MALT1: variants seen among roughly 807,000 people sequenced by gnomAD.
MALT1 encodes the protein MALT1 paracaspase, also known as mucosa-associated lymphoid tissue lymphoma translocation protein 1.
Under a neutral mutation model 85.5 loss-of-function variants are expected in MALT1, and 36 were observed. That is an observed-to-expected ratio of 0.42 (90% CI 0.32 to 0.56). The LOEUF (loss-of-function observed/expected upper bound fraction) is 0.56. MALT1 is among the 20% of genes least tolerant of loss of function. The pLI is 0.10. For synonymous variants in MALT1, 359 were observed against 361.3 expected, an observed-to-expected ratio of 0.99 and a Z score of 0.07; for missense variants, 716 against 981.6, an observed-to-expected ratio of 0.73 and a Z score of 3.62.
At position 58,671,652 on chromosome 18, in the gene MALT1, G is replaced by C; in HGVS notation, c.9G>C (p.Leu3=). 1 of 1,218,718 alleles carries C rather than the reference G, an allele frequency of 8.2e-7. No homozygotes were observed. The highest frequency in any genetic ancestry group is 1.0e-6 in the Non-Finnish European group (1 of 979,602). 75.5% of individuals were successfully genotyped at this position (1,218,718 alleles called of 1,614,324 possible). Residue 3 remains leucine, a synonymous_variant, in exon 1 of 17, where the codon CTG becomes CTC. Transcript: ENST00000649217. MS[L]LGDPLQALPP... Reference sequence around the variant, plus strand: ...GGTCGCCGGCGAGGGCCATGTCGCTGTTGGGGGACCCGCTACAGGCCCTGC... The same window carrying C: ...GGTCGCCGGCGAGGGCCATGTCGCTCTTGGGGGACCCGCTACAGGCCCTGC...
In MALT1 at chr18:58,747,890, G is replaced by C. The variant is rs371979150; in HGVS notation, c.*48G>C. Reference sequence around the variant, plus strand: ...CATAATTTTAGATGCCTGTGAAATAGTACTGCACTTACATAAAGTGAGACA... The same window carrying C: ...CATAATTTTAGATGCCTGTGAAATACTACTGCACTTACATAAAGTGAGACA... On this transcript the variant is annotated 3_prime_UTR_variant, in exon 17 of 17. Transcript: ENST00000649217. 2.1e-6 allele frequency: 3 copies of C among 1,453,904 alleles called. No homozygotes were observed. Among genetic ancestry groups the C allele is most frequent in the Non-Finnish European group, 2.9e-6 (3 of 1,050,952 alleles). 90.1% of individuals were successfully genotyped at this position (1,453,904 alleles called of 1,614,324 possible).
chr18:58,719,956 A>G (rs2054961258), intron 9 of MALT1, among the ~76,000 whole-genome samples: 1 of 152,240 alleles, frequency 6.6e-6, no homozygotes, highest in Non-Finnish European at 1.5e-5. Context: ...TATTAACTCT[A>G]TTTAGAAAAG....
intron 7 of MALT1, among the ~76,000 whole-genome samples, 190 bp from the exon 8 acceptor site, chr18:58,713,893 T>TA (rs914620840): frequency 8.5e-5 from 13 of 152,234 alleles, no homozygotes; most frequent in Non-Finnish European, 1.8e-4. Context: ...TCCTAAATGA[T>TA]AAGCACAGCA....
chr18:58,742,045 A>G (rs763428673), intron 14 of MALT1, 31 bp downstream of exon 14: 53 of 1,434,214 alleles, frequency 3.7e-5, no homozygotes, highest in Admixed American at 2.0e-5. Context: ...TGTTAGATCT[A>G]CAATATACTT....
chr18:58,676,460 TC>T (rs1419692523), intron 1 of MALT1, among the ~76,000 whole-genome samples: 1 of 152,186 alleles, frequency 6.6e-6, no homozygotes, highest in Non-Finnish European at 1.5e-5. Context: ...CTTGTCTCCA[TC>T]CCTCTCTACT....
At chr18:58,690,531 C>G in intron 2 of MALT1, 1 of 169,754 alleles carries the variant, frequency 5.9e-6, no homozygotes. Flanking sequence ...CCCATCCCCT[C>G]TGTGAGAGAG....
chr18:58,719,408 C>A, intron 9 of MALT1, among the ~76,000 whole-genome samples: 1 of 152,102 alleles, frequency 6.6e-6, no homozygotes. Context: ...CTCTTCCCGC[C>A]CCCAACTTCT....
intron 13 of MALT1, among the ~76,000 whole-genome samples, chr18:58,740,955 C>T (rs1321305482): frequency 6.6e-6 from 1 of 151,964 alleles, no homozygotes; most frequent in Non-Finnish European, 1.5e-5. Flanking sequence ...CTTATTGAAC[C>T]TTTATCATTA....
At chr18:58,745,604 T>C in intron 15 of MALT1, 62 bp from the exon 16 acceptor site, 2 of 1,444,346 alleles carry the variant, frequency 1.4e-6, no homozygotes, top group Non-Finnish European at 1.9e-6. Flanking sequence ...TCTTATGTAC[T>C]AGATTATATT....
chr18:58,728,262 G>C (rs1352840446), intron 10 of MALT1, among the ~76,000 whole-genome samples: 1 of 152,096 alleles, frequency 6.6e-6, no homozygotes, highest in Non-Finnish European at 1.5e-5. Flanking sequence ...TAATGGGATG[G>C]TTAACTAAAT....
At chr18:58,731,769 ACGTGTGAAT>A (rs1329009691) in intron 10 of MALT1, among the ~76,000 whole-genome samples, 2 of 146,836 alleles carry the variant, frequency 1.4e-5, no homozygotes, top group East Asian at 4.1e-4. Context: ...GATAACATAA[ACGTGTGAAT>A]CGTGTGAATT....
intron 11 of MALT1, chr18:58,733,877 C>T: frequency 1.7e-6 from 2 of 1,157,478 alleles, no homozygotes; most frequent in Non-Finnish European, 2.1e-6. Flanking sequence ...TAGTTATTCC[C>T]TCAGGAATTA....
intron 2 of MALT1, among the ~76,000 whole-genome samples, chr18:58,688,394 C>T (rs1168986063): frequency 6.6e-6 from 1 of 151,130 alleles, no homozygotes; most frequent in African/African-American, 2.4e-5. Flanking sequence ...ACATTAAAAG[C>T]TACTTTGTCT....
chr18:58,742,040 G>C (rs753218779), intron 14 of MALT1, 26 bp downstream of exon 14: 1 of 1,464,444 alleles, frequency 6.8e-7, no homozygotes, highest in Non-Finnish European at 9.2e-7. Context: ...TTTTTTGTTA[G>C]ATCTACAATA....
intron 3 of MALT1, 64 bp downstream of exon 3, chr18:58,696,551 A>G: frequency 7.6e-7 from 1 of 1,311,390 alleles, no homozygotes; most frequent in Non-Finnish European, 1.0e-6. Context: ...ATTAATTAAC[A>G]TTATCGTCCT....
In MALT1 at chr18:58,681,210, C is replaced by T; in HGVS notation, c.250C>T (p.Pro84Ser). Residue 84 changes from proline to serine, a missense_variant, in exon 2 of 17, where the codon CCT (proline) becomes TCT (serine). By Grantham distance (74) the Pro-to-Ser change is moderately conservative. Coordinates refer to ENST00000649217, the MANE Select transcript of MALT1 (RefSeq NM_006785.4). ...GCAGTGTTCTCTTAAGGTACTGGAG[C>T]CTGAAGGAAGCCCCAGCCTGTGTCT... ...LEQCSLKVLEPEGSPSLCLLK... is the reference protein window; with the variant it reads ...LEQCSLKVLESEGSPSLCLLK... 3.7e-6 allele frequency: 6 copies of T among 1,614,114 alleles called. No homozygotes were observed. The highest frequency in any genetic ancestry group is 5.1e-6 in the Non-Finnish European group (6 of 1,180,014).
At chr18:58,742,702 G>T (rs2055318231) in intron 14 of MALT1, among the ~76,000 whole-genome samples, 1 of 152,126 alleles carries the variant, frequency 6.6e-6, no homozygotes, top group Non-Finnish European at 1.5e-5. Context: ...GACAGAGCGA[G>T]ACTCTGTCTC....
chr18:58,683,414 A>C (rs935898950), intron 2 of MALT1, among the ~76,000 whole-genome samples: 13 of 152,232 alleles, frequency 8.5e-5, no homozygotes, highest in Non-Finnish European at 1.8e-4. Flanking sequence ...TAGGAGCTGC[A>C]TGAGATAATG....
intron 13 of MALT1, among the ~76,000 whole-genome samples, chr18:58,737,205 T>C (rs1287013913): frequency 6.6e-6 from 1 of 151,814 alleles, no homozygotes; most frequent in Non-Finnish European, 1.5e-5. Flanking sequence ...TGGGGCCAGG[T>C]ACAGTGGCTC....
Sources: allele counts gnomAD v4.1 joint callset (sites outside exome capture counted in the v4.1 genomes callset), GRCh38; gene constraint gnomAD v4.1.1; transcripts MANE v1.5; gene names NCBI Gene and HGNC (gene_info 2026-07-23, HGNC 2026-07-21).